The following FREM1 variants were observed in gnomAD, a reference collection of about 807,000 sequenced individuals.
FREM1 encodes the protein FRAS1-related extracellular matrix protein 1.
A neutral mutation model predicts 210.1 loss-of-function variants in FREM1; 220 were observed. The observed-to-expected ratio is 1.05, with a 90% confidence interval of 0.94 to 1.17. The LOEUF (loss-of-function observed/expected upper bound fraction) is 1.17, where lower values mean the gene tolerates loss of function less well. Among genes scored for constraint, FREM1 ranks in the 50% most tolerant of loss-of-function variants. The pLI, the probability that FREM1 is intolerant of heterozygous loss-of-function variation, is 0.00. For synonymous variants in FREM1, 1,189 were observed against 980.2 expected (o/e 1.21, Z -3.98); for missense variants, 3,454 against 2,675.5 (o/e 1.29, Z -6.42).
chr9:14,795,114 G>A (rs963008646), intron 21 of FREM1, among the ~76,000 whole-genome samples: 1 of 152,122 alleles, frequency 6.6e-6, no homozygotes, highest in South Asian at 2.1e-4. Context: ...ATGAATGGGG[G>A]ACTAGCTTGT....
At chr9:14,797,409 T>C (rs201084231) in intron 21 of FREM1, 89 bp downstream of exon 21, 1 of 1,075,940 alleles carries the variant, frequency 9.3e-7, no homozygotes, top group Non-Finnish European at 1.3e-6. Flanking sequence ...ACTTGCTTCT[T>C]TGGGAGACAC....
intron 20 of FREM1, among the ~76,000 whole-genome samples, chr9:14,800,264 G>A (rs1474317173): frequency 1.3e-5 from 2 of 152,124 alleles, no homozygotes; most frequent in East Asian, 3.8e-4. Flanking sequence ...ACAGAAAGGT[G>A]CGTTCTGAAG....
chr9:14,751,012 G>C (rs1843272099), intron 29 of FREM1, among the ~76,000 whole-genome samples: 1 of 152,124 alleles, frequency 6.6e-6, no homozygotes, highest in South Asian at 2.1e-4. Context: ...TCAACACCAA[G>C]ACTGGAAACA....
chr9:14,881,787 C>A (rs1017896547), intron 1 of FREM1, among the ~76,000 whole-genome samples: 1 of 152,206 alleles, frequency 6.6e-6, no homozygotes, highest in Admixed American at 6.5e-5. Context: ...TAGCTATCTG[C>A]GGCTATGTGA....
At chr9:14,896,310 C>T (rs1430052252) in intron 1 of FREM1, among the ~76,000 whole-genome samples, 1 of 152,110 alleles carries the variant, frequency 6.6e-6, no homozygotes, top group East Asian at 1.9e-4. Context: ...CTTTGGGAGG[C>T]CGAGGTGGGC....
rs1850400638 is a variant in FREM1 at position 14,786,186 on chromosome 9, T to C, written c.4178-1552A>G. ...AAATGAGGAAGCTAAGGTATAGAAA[T>C]GCTAACTTACCTGCTTGTGGTTACA... On this transcript the variant is annotated intron_variant, in intron 23 of 36. Coordinates refer to ENST00000380880, the MANE Select transcript of FREM1 (RefSeq NM_001379081.2). Among the ~76,000 whole-genome samples, 7 of 152,216 alleles carry C rather than the reference T, an allele frequency of 4.6e-5. 1 individual carries two copies. The highest frequency in any genetic ancestry group is 4.6e-4 in the Admixed American group (7 of 15,282).
intron 1 of FREM1, among the ~76,000 whole-genome samples, chr9:14,904,405 C>T (rs187504947): frequency 1.3e-5 from 2 of 152,302 alleles, no homozygotes; most frequent in East Asian, 3.9e-4. Flanking sequence ...AGATCCACAG[C>T]TTTGATAATC....
chr9:14,813,322 C>A (rs1221156481), intron 15 of FREM1, among the ~76,000 whole-genome samples: 2 of 152,204 alleles, frequency 1.3e-5, no homozygotes, highest in African/African-American at 4.8e-5. Context: ...TCAAAACTCT[C>A]ATTTGTTTCT....
At position 14,737,196 on chromosome 9, in the gene FREM1, A is replaced by C; in HGVS notation, c.*200T>G. The stretch of plus-strand genomic sequence containing the variant: ...TTATTTTAAAAGGTATTGAGATACA[A>C]AAATTGTATCTTATCTTGTAAAAAA... On this transcript the variant is annotated 3_prime_UTR_variant, in exon 37 of 37. Coordinates refer to ENST00000380880, the MANE Select transcript of FREM1 (RefSeq NM_001379081.2). The C allele has an allele frequency of 2.0e-6, 1 of 506,426 alleles. No homozygotes were observed. The highest frequency in any genetic ancestry group is 3.4e-6 in the Non-Finnish European group (1 of 290,008). The allele number at this position is 506,426 out of a possible 1,614,324, so 31.4% of individuals were successfully genotyped here. A position where few individuals can be genotyped will look rare whatever the true frequency, so the allele number is the denominator to read the frequency against.
intron 2 of FREM1, among the ~76,000 whole-genome samples, chr9:14,866,907 T>C (rs1350561569): frequency 6.6e-6 from 1 of 152,048 alleles, no homozygotes; most frequent in East Asian, 1.9e-4. Context: ...TCACCCAGGC[T>C]GGAGTGTAGT....
At chr9:14,813,599 C>G (rs1819775943) in intron 15 of FREM1, among the ~76,000 whole-genome samples, 1 of 152,212 alleles carries the variant, frequency 6.6e-6, no homozygotes, top group African/African-American at 2.4e-5. Flanking sequence ...TATGAAACTC[C>G]GTAACTATTC....
At chr9:14,897,816 A>G (rs572910829) in intron 1 of FREM1, among the ~76,000 whole-genome samples, 1 of 152,148 alleles carries the variant, frequency 6.6e-6, no homozygotes, top group Admixed American at 6.5e-5. Flanking sequence ...CTGGTCTCGA[A>G]CTCCTGTCCT....
chr9:14,805,458 C>G (rs1396932088), intron 18 of FREM1, among the ~76,000 whole-genome samples: 2 of 152,192 alleles, frequency 1.3e-5, no homozygotes, highest in Admixed American at 1.3e-4. Context: ...GAGACCTTCC[C>G]TTGATTAAAT....
At chr9:14,800,620 T>TA (rs1373957112) in intron 20 of FREM1, among the ~76,000 whole-genome samples, 1 of 151,878 alleles carries the variant, frequency 6.6e-6, no homozygotes, top group Non-Finnish European at 1.5e-5. Context: ...TCAATAGTTT[T>TA]AAAAAGGATT....
rs1271203633 is a variant in FREM1 at position 14,737,192 on chromosome 9, T to C, written c.*204A>G. The C allele has an allele frequency of 6.0e-6, 3 of 502,536 alleles. No homozygotes were observed. The highest frequency in any genetic ancestry group is 3.9e-5 in the African/African-American group (2 of 51,514). The allele number at this position is 502,536 out of a possible 1,614,324, so 31.1% of individuals were successfully genotyped here. A position where few individuals can be genotyped will look rare whatever the true frequency, so the allele number is the denominator to read the frequency against. On this transcript the variant is annotated 3_prime_UTR_variant, in exon 37 of 37. Coordinates refer to ENST00000380880, the MANE Select transcript of FREM1 (RefSeq NM_001379081.2). ...GCATTTATTTTAAAAGGTATTGAGA[T>C]ACAAAAATTGTATCTTATCTTGTAA...
At chr9:14,741,862 G>T (rs1841629915) in intron 35 of FREM1, among the ~76,000 whole-genome samples, 1 of 152,108 alleles carries the variant, frequency 6.6e-6, no homozygotes, top group African/African-American at 2.4e-5. Flanking sequence ...TCTCTAGCTT[G>T]AAGATTCCTG....
intron 27 of FREM1, among the ~76,000 whole-genome samples, chr9:14,765,896 G>A (rs1473341599): frequency 2.6e-5 from 4 of 152,174 alleles, no homozygotes; most frequent in Non-Finnish European, 5.9e-5. Context: ...AGCTGTATTA[G>A]GAAAACAACT....
At chr9:14,873,691 A>G (rs12236415) in intron 1 of FREM1, among the ~76,000 whole-genome samples, 33,864 of 151,724 alleles carry the variant, frequency 0.22, 4,399 homozygotes, top group East Asian at 0.58. Context: ...GATTTTAGTT[A>G]TTTCTTGCCT....
intron 22 of FREM1, among the ~76,000 whole-genome samples, chr9:14,792,086 G>C (rs150772672): frequency 6.6e-6 from 1 of 151,990 alleles, no homozygotes; most frequent in African/African-American, 2.4e-5. Flanking sequence ...CTTGTGATCC[G>C]CCCACCTTGG....
Sources: allele counts gnomAD v4.1 joint callset (sites outside exome capture counted in the v4.1 genomes callset), GRCh38; gene constraint gnomAD v4.1.1; transcripts MANE v1.5; gene names NCBI Gene and HGNC (gene_info 2026-07-23, HGNC 2026-07-21).